Variants in CBR4 observed in about 807,000 individuals in gnomAD.
The protein encoded by CBR4 is carbonyl reductase 4.
CBR4 carries 22 observed loss-of-function variants against 21.0 expected under a neutral mutation model. The observed-to-expected ratio is 1.05, with a 90% CI of 0.75 to 1.50. The LOEUF (loss-of-function observed/expected upper bound fraction) is 1.50, where lower values mean the gene tolerates loss of function less well. CBR4 is among the 40% of genes most tolerant of loss of function. CBR4 has a pLI of 0.00. For synonymous variants in CBR4, 100 were observed against 104.4 expected (o/e 0.96, Z 0.26); for missense variants, 302 against 286.3 (o/e 1.05, Z -0.40).
intron 2 of CBR4, chr4:168,928,500 A>T (rs889160412): frequency 3.0e-5 from 5 of 169,162 alleles, no homozygotes; most frequent in Non-Finnish European, 6.4e-5. Flanking sequence ...ACTTTGAGTG[A>T]TGTTTGAGGC....
chr4:168,927,115 G>GAAAT, intron 2 of CBR4: 1 of 225,982 alleles, frequency 4.4e-6, no homozygotes. Flanking sequence ...GAATAAAGCA[G>GAAAT]AAATATATTA....
intron 2 of CBR4, chr4:168,898,759 A>C (rs775164166): frequency 7.7e-7 from 1 of 1,299,994 alleles, no homozygotes; most frequent in Non-Finnish European, 1.1e-6. Flanking sequence ...TCTCTGAGGA[A>C]AGGTTTAGCT....
Position 168,989,488 on chromosome 4 carries a change from A to C in CBR4, c.*662T>G. On this transcript the variant is annotated 3_prime_UTR_variant, in exon 5 of 5. Transcript: ENST00000306193. ...TTCTAAATTCATGTCTTTAATGAATACTATGTTTTGCAACCTGTATAAAAA... is the reference window on the plus strand; with the variant it reads ...TTCTAAATTCATGTCTTTAATGAATCCTATGTTTTGCAACCTGTATAAAAA... The C allele has an allele frequency of 1.0e-6, 1 of 985,180 alleles. No homozygotes were observed. Among genetic ancestry groups the C allele is most frequent in the Non-Finnish European group, 1.2e-6 (1 of 829,676 alleles). 61.0% of individuals were successfully genotyped at this position (985,180 alleles called of 1,614,324 possible). A position where few individuals can be genotyped will look rare whatever the true frequency, so the allele number is the denominator to read the frequency against.
chr4:168,947,633 G>A (rs1763428944), intron 2 of CBR4, among the ~76,000 whole-genome samples: 2 of 152,120 alleles, frequency 1.3e-5, no homozygotes, highest in South Asian at 2.1e-4. Flanking sequence ...GAGAACATAT[G>A]ATGTTTGGTT....
chr4:168,986,638 T>C (rs1764700026), downstream of CBR4, among the ~76,000 whole-genome samples: 1 of 152,162 alleles, frequency 6.6e-6, no homozygotes, highest in African/African-American at 2.4e-5. Context: ...GAATGAACAA[T>C]CTGAATACTT....
chr4:168,995,522 G>C (rs528305577), intron 4 of CBR4, among the ~76,000 whole-genome samples: 5 of 152,208 alleles, frequency 3.3e-5, no homozygotes, highest in South Asian at 2.1e-4. Context: ...CTACCACACA[G>C]ACATGGGCTG....
intron 3 of CBR4, 82 bp downstream of exon 3, chr4:169,006,673 A>G: frequency 8.0e-7 from 1 of 1,256,316 alleles, no homozygotes; most frequent in Admixed American, 2.1e-5. Flanking sequence ...ATGTTTCACA[A>G]TAAATCACAA....
intron 2 of CBR4, among the ~76,000 whole-genome samples, chr4:168,902,737 A>C (rs181692295): frequency 6.6e-6 from 1 of 152,180 alleles, no homozygotes; most frequent in Non-Finnish European, 1.5e-5. Flanking sequence ...CCTTTGGACT[A>C]CTTAAAAATA....
Position 169,006,902 on chromosome 4 carries a change from A to T in CBR4, c.264-11T>A. 6.2e-7 allele frequency: 1 copy of T among 1,605,962 alleles called. No homozygotes were observed. The highest frequency in any genetic ancestry group is 1.1e-5 in the South Asian group (1 of 90,872). ...ACTAAAAGACCATCCCTACAAAAAGAAACAGCATATAATAGCATATAATAA... is the reference window on the plus strand; with the variant it reads ...ACTAAAAGACCATCCCTACAAAAAGTAACAGCATATAATAGCATATAATAA... On this transcript the variant is annotated splice_polypyrimidine_tract_variant and intron_variant, in intron 2 of 4. Transcript: ENST00000306193.
At chr4:168,958,206 G>C (rs949760409) in intron 2 of CBR4, among the ~76,000 whole-genome samples, 1 of 151,818 alleles carries the variant, frequency 6.6e-6, no homozygotes, top group Admixed American at 6.6e-5. Context: ...GGAGGTTGCA[G>C]TGAGCCAAGA....
At chr4:168,905,118 CTT>C (rs1427838633) in intron 2 of CBR4, among the ~76,000 whole-genome samples, 4 of 126,694 alleles carry the variant, frequency 3.2e-5, no homozygotes, top group Non-Finnish European at 6.7e-5. Flanking sequence ...CAGAGTGAGA[CTT>C]TGTTTTTTGT....
intron 2 of CBR4, chr4:168,903,740 T>C: frequency 6.2e-7 from 1 of 1,602,208 alleles, no homozygotes; most frequent in Non-Finnish European, 8.6e-7. Flanking sequence ...ATCTTTAATC[T>C]TTGTTTCTAT....
chr4:168,969,625 C>T (rs1218984433), intron 2 of CBR4, among the ~76,000 whole-genome samples: 3 of 152,034 alleles, frequency 2.0e-5, no homozygotes, highest in Non-Finnish European at 2.9e-5. Context: ...TCCATGTTGC[C>T]CATGGAAACA....
intron 2 of CBR4, chr4:168,898,734 CT>C: frequency 6.6e-7 from 1 of 1,518,126 alleles, no homozygotes; most frequent in African/African-American, 1.4e-5. Flanking sequence ...GAGATGGAGG[CT>C]TTTTAAGAGT....
intron 4 of CBR4, among the ~76,000 whole-genome samples, chr4:168,998,462 T>C (rs1231834723): frequency 6.6e-6 from 1 of 152,188 alleles, no homozygotes; most frequent in African/African-American, 2.4e-5. Context: ...TCAATTTATA[T>C]GAAATGTCCA....
chr4:168,922,184 A>G (rs560854822), intron 2 of CBR4, among the ~76,000 whole-genome samples: 2 of 151,478 alleles, frequency 1.3e-5, no homozygotes, highest in African/African-American at 4.8e-5. Flanking sequence ...CCTCATAGTC[A>G]TTGTCAAACT....
intron 2 of CBR4, chr4:168,898,389 G>A: frequency 1.3e-6 from 1 of 769,440 alleles, no homozygotes; most frequent in South Asian, 1.4e-5. Context: ...AAGCTGTATG[G>A]TAAAAATATC....
chr4:168,948,079 G>C (rs1326876125), intron 2 of CBR4, among the ~76,000 whole-genome samples: 1 of 152,172 alleles, frequency 6.6e-6, no homozygotes, highest in Non-Finnish European at 1.5e-5. Flanking sequence ...TCTTGCAGGA[G>C]TAAGGTGGTA....
intron 2 of CBR4, among the ~76,000 whole-genome samples, chr4:168,945,524 G>GCA (rs1763375702): frequency 6.6e-6 from 1 of 152,126 alleles, no homozygotes; most frequent in Admixed American, 6.5e-5. Flanking sequence ...CTGCTGAATT[G>GCA]GTGGTTACTG....
Sources: gnomAD v4.1 joint callset for allele counts (sites outside exome capture counted in the v4.1 genomes callset) on GRCh38, gnomAD v4.1.1 for gene constraint, MANE v1.5 for transcripts, NCBI Gene and HGNC (gene_info 2026-07-23, HGNC 2026-07-21) for gene names.